DPP7: variants seen among roughly 807,000 people sequenced by gnomAD.
The protein encoded by DPP7 is dipeptidyl peptidase 7.
A neutral mutation model predicts 58.8 loss-of-function variants in DPP7; 74 were observed. The ratio of observed to expected loss-of-function variants is 1.26; its 90% CI spans 1.04 to 1.53. DPP7 has a LOEUF of 1.53. Ranked by LOEUF, DPP7 falls within the 40% of genes most tolerant of loss-of-function variation. DPP7 has a pLI of 0.00. For missense variants in DPP7, 807 were observed against 692.3 expected (o/e 1.17, Z -1.86); for synonymous variants, 350 against 303.6 (o/e 1.15, Z -1.59).
At chr9:137,117,620 G>C (rs1831663193), upstream of DPP7, among the ~76,000 whole-genome samples, 1 of 152,212 alleles carries the variant, frequency 6.6e-6, no homozygotes, top group African/African-American at 2.4e-5. Context: ...ATGGCTCACA[G>C]ACTGGGGGCC....
rs369979070 is a variant in DPP7 at position 137,112,989 on chromosome 9, A to C, written c.834T>G (p.Thr278=). 1 of 1,613,564 alleles carries C rather than the reference A, an allele frequency of 6.2e-7. No individual in the cohort carries two copies. Among genetic ancestry groups the C allele is most frequent in the Middle Eastern group, 1.6e-4 (1 of 6,062 alleles). ...VLAMMDYPYP[T]DFLGPLPANP... ...TGGCAGGGAGGGGACCCAGGAAGTCAGTGGGGTAGGGGTAGTCCATCATGG... is the reference window on the plus strand; with the variant it reads ...TGGCAGGGAGGGGACCCAGGAAGTCCGTGGGGTAGGGGTAGTCCATCATGG... Residue 278 remains threonine (T), a synonymous_variant, in exon 7 of 13, where the codon ACT becomes ACG. Transcript: ENST00000371579.
rs779305649 is a variant in DPP7, at chr9:137,114,615, C to G, written c.67+32G>C. On this transcript the variant is annotated intron_variant, in intron 1 of 12. Coordinates refer to ENST00000371579, the MANE Select transcript of DPP7 (RefSeq NM_013379.3). ...CGAACCTCAGAGGCGGGGCCGGGAC[C>G]GGGGAATGGGCCGGGGGGCGCCGCC... is the stretch of plus-strand genomic sequence containing the variant. 19 of 1,421,788 alleles carry G rather than the reference C, an allele frequency of 1.3e-5. No homozygotes were observed. In the South Asian group the frequency reaches 2.1e-4, roughly 15 times the overall value. 88.1% of individuals were successfully genotyped at this position (1,421,788 alleles called of 1,614,324 possible). A position where few individuals can be genotyped will look rare whatever the true frequency, so the allele number is the denominator to read the frequency against.
chr9:137,111,784 G>A, intron 10 of DPP7, 30 bp from the exon 11 acceptor site: 1 of 1,613,566 alleles, frequency 6.2e-7, no homozygotes, highest in Non-Finnish European at 8.5e-7. Context: ...TTGTGATGTG[G>A]GCCCCTCACG....
intron 10 of DPP7, 36 bp from the exon 11 acceptor site, chr9:137,111,790 T>C: frequency 1.2e-6 from 2 of 1,613,406 alleles, no homozygotes; most frequent in Non-Finnish European, 1.7e-6. Flanking sequence ...TGTGGGCCCC[T>C]CACGGGGGCT....
chr9:137,116,571 A>G (rs897041203), upstream of DPP7, among the ~76,000 whole-genome samples: 8 of 152,260 alleles, frequency 5.3e-5, no homozygotes, highest in African/African-American at 1.9e-4. Flanking sequence ...CCTCTGCCCA[A>G]GAAAGCCTGG....
At position 137,110,553 on chromosome 9, in the gene DPP7, C is replaced by T; in HGVS notation, c.*95G>A. On this transcript the variant is annotated 3_prime_UTR_variant, in exon 13 of 13. Coordinates refer to ENST00000371579, the MANE Select transcript of DPP7 (RefSeq NM_013379.3). ...AAGGACGGGACATACATGGCCAGGC[C>T]TCCAGGCGTTTATTCAGCCCCTTCC... The T allele has an allele frequency of 1.3e-6, 2 of 1,494,190 alleles. No homozygotes were observed. Among genetic ancestry groups the T allele is most frequent in the Non-Finnish European group, 1.8e-6 (2 of 1,118,248 alleles). The allele number at this position is 1,494,190 out of a possible 1,614,324, so 92.6% of individuals were successfully genotyped here.
upstream of DPP7, among the ~76,000 whole-genome samples, chr9:137,118,120 T>G (rs1434362719): frequency 6.6e-6 from 1 of 152,022 alleles, no homozygotes; most frequent in East Asian, 1.9e-4. Context: ...CCGGAGTAGC[T>G]GAGATTACAG....
upstream of DPP7, among the ~76,000 whole-genome samples, chr9:137,118,073 C>T (rs972759060): frequency 3.9e-5 from 6 of 152,040 alleles, no homozygotes; most frequent in African/African-American, 7.3e-5. Context: ...CTGCAACTTC[C>T]GCCTCCTGGG....
chr9:137,114,951 C>T, upstream of DPP7: 1 of 328,424 alleles, frequency 3.0e-6, no homozygotes, highest in Admixed American at 4.9e-5. Context: ...CGCGGCCTCC[C>T]GCCCCACTGG....
Position 137,114,460 on chromosome 9 carries a change from C to T in DPP7, c.181+3G>A. 4 of 1,564,726 alleles carry T rather than the reference C, an allele frequency of 2.6e-6. No homozygotes were observed. The highest frequency in any genetic ancestry group is 4.1e-4 in the Middle Eastern group (2 of 4,820). ...GGCGGCCGGGCCGGGGCCGGGGTCTCACCCGACACCAGGAAGCGCTGAGGG... is the reference window on the plus strand; with the variant it reads ...GGCGGCCGGGCCGGGGCCGGGGTCTTACCCGACACCAGGAAGCGCTGAGGG... On this transcript the variant is annotated splice_donor_region_variant and intron_variant, in intron 2 of 12. Coordinates refer to ENST00000371579, the MANE Select transcript of DPP7 (RefSeq NM_013379.3).
At chr9:137,116,351 C>T (rs111528302), upstream of DPP7, among the ~76,000 whole-genome samples, 1 of 152,206 alleles carries the variant, frequency 6.6e-6, no homozygotes, top group Admixed American at 6.5e-5. Flanking sequence ...TTTAAGGCAT[C>T]TAGGCCTGTG....
rs550617128 is a variant in DPP7, at chr9:137,112,465, C to T, written c.932-235G>A. On this transcript the variant is annotated intron_variant, in intron 8 of 12. Coordinates refer to ENST00000371579, the MANE Select transcript of DPP7 (RefSeq NM_013379.3). ...CGCTCTCCACGGGGCAGGGTGGGGC[C>T]TGCTGCCCTCTGTTGCCCTCCATGC... is the stretch of plus-strand genomic sequence containing the variant. 9.2e-4 allele frequency: 575 copies of T among 623,164 alleles called. 3 individuals are homozygous for T. The Middle Eastern group carries it at 0.017, about 18-fold the overall frequency. The allele number at this position is 623,164 out of a possible 1,614,324, so 38.6% of individuals were successfully genotyped here. A position where few individuals can be genotyped will look rare whatever the true frequency, so the allele number is the denominator to read the frequency against.
At position 137,112,790 on chromosome 9, in the gene DPP7, G is replaced by A; in HGVS notation, c.886C>T (p.Leu296=). Reference sequence around the variant, plus strand: ...GTGATCCTCTGGGCCTCACTCAGCAGCCGATCACAGCCCACCTGGAGTGCA... The same window carrying A: ...GTGATCCTCTGGGCCTCACTCAGCAACCGATCACAGCCCACCTGGAGTGCA... The part of the protein sequence containing the change: ...ANPVKVGCDR[L]LSEAQRITGL... The change falls in exon 8 of 13, where the codon CTG becomes TTG. Residue 296 remains leucine, a synonymous_variant. Coordinates refer to ENST00000371579, the MANE Select transcript of DPP7 (RefSeq NM_013379.3). 1 of 1,609,604 alleles carries A rather than the reference G, an allele frequency of 6.2e-7. No individual in the cohort carries two copies. The highest frequency in any genetic ancestry group is 8.5e-7 in the Non-Finnish European group (1 of 1,179,470).
upstream of DPP7, among the ~76,000 whole-genome samples, chr9:137,116,672 A>G (rs943821616): frequency 6.6e-6 from 1 of 152,208 alleles, no homozygotes; most frequent in Non-Finnish European, 1.5e-5. Flanking sequence ...CGACACCCAT[A>G]AAGGGTCTGT....
rs143421350 is a variant in DPP7, at chr9:137,113,264, T to C, written c.645A>G (p.Lys215=). 2.3e-3 allele frequency: 3,692 copies of C among 1,613,752 alleles called. 29 individuals are homozygous for C. The highest frequency in any genetic ancestry group is 0.012 in the African/African-American group (907 of 75,024). ...VTADFEGQSP[K]CTQGVREAFR... ...ACGCTTCCCGCACACCCTGGGTGCA[T>C]TTGGGACTCTGGCCCTCAAAGTCCT... is the stretch of plus-strand genomic sequence containing the variant. Residue 215 remains lysine, a synonymous_variant, in exon 6 of 13, where the codon AAA becomes AAG. Transcript: ENST00000371579.
chr9:137,112,662 G>C lies in DPP7; in HGVS notation c.931+83C>G. ...GAGGCAAAGCCCCTGGCCGGGCTGCGGATCCTCGCCCCACCCGGCCCCAGG... is the reference window on the plus strand; with the variant it reads ...GAGGCAAAGCCCCTGGCCGGGCTGCCGATCCTCGCCCCACCCGGCCCCAGG... On this transcript the variant is annotated intron_variant, in intron 8 of 12. Transcript: ENST00000371579. 3 of 1,494,438 alleles carry C rather than the reference G, an allele frequency of 2.0e-6. No homozygotes were observed. The South Asian group carries it at 3.6e-5, about 18-fold the overall frequency. The allele number at this position is 1,494,438 out of a possible 1,614,324, so 92.6% of individuals were successfully genotyped here.
upstream of DPP7, among the ~76,000 whole-genome samples, chr9:137,118,095 C>T (rs998900241): frequency 6.6e-6 from 1 of 152,048 alleles, no homozygotes; most frequent in Non-Finnish European, 1.5e-5. Flanking sequence ...CCAGGCCATT[C>T]TCCTGTCTCA....
At position 137,110,900 on chromosome 9, in the gene DPP7, T is replaced by TC. The variant is rs759556695; in HGVS notation, c.1322dup (p.Ala442SerfsTer19). On this transcript the variant is annotated frameshift_variant, in exon 12 of 13. Coordinates refer to ENST00000371579, the MANE Select transcript of DPP7 (RefSeq NM_013379.3). LOFTEE classifies it low-confidence loss of function (END_TRUNC). Reference sequence around the variant, plus strand: ...CGCACCTGAGGTCGAGGTGGTGCGCTCCCCCCTGGATGGTGACGGCGATGA... The same window carrying TC: ...CGCACCTGAGGTCGAGGTGGTGCGCTCCCCCCCTGGATGGTGACGGCGATGA... 2.4e-5 allele frequency: 39 copies of TC among 1,611,520 alleles called. No homozygotes were observed. In the South Asian group the frequency reaches 3.6e-4, roughly 15 times the overall value.
At chr9:137,111,171 C>T (rs924072179) in intron 11 of DPP7, among the ~76,000 whole-genome samples, 1 of 152,048 alleles carries the variant, frequency 6.6e-6, no homozygotes, top group Non-Finnish European at 1.5e-5. Flanking sequence ...GCCTGTGATC[C>T]CAGCACTCTG....
Sources: allele counts gnomAD v4.1 joint callset (sites outside exome capture counted in the v4.1 genomes callset), GRCh38; gene constraint gnomAD v4.1.1; transcripts MANE v1.5; gene names NCBI Gene and HGNC (gene_info 2026-07-23, HGNC 2026-07-21).